The following CUBN variants were observed in gnomAD, a reference collection of about 807,000 sequenced individuals.
The protein encoded by CUBN is 460 kDa receptor.
A neutral mutation model predicts 405.3 loss-of-function variants in CUBN; 282 were observed. The ratio of observed to expected loss-of-function variants is 0.70; its 90% CI spans 0.63 to 0.77. The LOEUF is 0.77. Among genes scored for constraint, CUBN ranks in the 30% least tolerant of loss-of-function variants. The pLI is 0.00. For synonymous variants in CUBN, 1,684 were observed against 1,617.0 expected, an observed-to-expected ratio of 1.04 and a Z score of -0.99; for missense variants, 4,514 against 4,475.2, an observed-to-expected ratio of 1.01 and a Z score of -0.25.
At position 16,904,005 on chromosome 10, in the gene CUBN, C is replaced by T. The variant is rs1480395419; in HGVS notation, c.8023G>A (p.Val2675Ile). Reference protein sequence around the residue: ...VWIHFVTNERVEHIGFHAKYS... With the variant: ...VWIHFVTNERIEHIGFHAKYS... Reference sequence around the variant, plus strand: ...TTTGCATGGAATCCAATGTGTTCTACACGTTCGTTGGTGACAAAGTGAATC... The same window carrying T: ...TTTGCATGGAATCCAATGTGTTCTATACGTTCGTTGGTGACAAAGTGAATC... Residue 2675 changes from valine to isoleucine, a missense_variant, in exon 51 of 67, where the codon GTA becomes ATA. Physicochemically the swap from Val to Ile is conservative, Grantham distance 29. Coordinates refer to ENST00000377833, the MANE Select transcript of CUBN (RefSeq NM_001081.4). 1 of 1,613,182 alleles carries T rather than the reference C, an allele frequency of 6.2e-7. No homozygotes were observed. Among genetic ancestry groups the T allele is most frequent in the African/African-American group, 1.3e-5 (1 of 74,884 alleles).
chr10:16,931,841 A>G lies in CUBN; in HGVS notation c.6124+1246T>C, dbSNP rs1261434753. 1.1e-4 allele frequency among the ~76,000 whole-genome samples: 17 copies of G among 152,214 alleles called. 1 individual carries two copies. Among genetic ancestry groups the G allele is most frequent in the Non-Finnish European group, 1.5e-5 (1 of 68,038 alleles). On this transcript the variant is annotated intron_variant, in intron 40 of 66. Coordinates refer to ENST00000377833, the MANE Select transcript of CUBN (RefSeq NM_001081.4). ...AACAAAAACAACTCAATGGAATGTG[A>G]TTTTAAAAGAATAACCATAATTTAC...
intron 56 of CUBN, among the ~76,000 whole-genome samples, chr10:16,879,752 C>G (rs1356021946): frequency 6.6e-6 from 1 of 152,214 alleles, no homozygotes; most frequent in Non-Finnish European, 1.5e-5. Flanking sequence ...ACAACCAACT[C>G]TCCGAGAGAT....
chr10:16,986,469 C>T (rs1250339012), intron 29 of CUBN, among the ~76,000 whole-genome samples: 2 of 152,088 alleles, frequency 1.3e-5, no homozygotes, highest in African/African-American at 2.4e-5. Context: ...TGATTAATTC[C>T]CCCCAGCCAT....
At chr10:17,118,483 G>A (rs1836956777) in intron 6 of CUBN, among the ~76,000 whole-genome samples, 2 of 152,146 alleles carry the variant, frequency 1.3e-5, no homozygotes, top group Non-Finnish European at 2.9e-5. Context: ...TTGTGCCCAG[G>A]CGGAGTGCAG....
rs528889140 is a variant in CUBN at position 16,956,453 on chromosome 10, C to T, written c.4696-1905G>A. Among the ~76,000 whole-genome samples the T allele has an allele frequency of 2.0e-4, 30 of 151,622 alleles. No individual in the cohort carries two copies. The South Asian group carries it at 5.4e-3, about 27-fold the overall frequency. ...TATAATTTCCAATCTAGTATGAATC[C>T]TTCCTTTGAACACGTTGAACACTGT... is the stretch of plus-strand genomic sequence containing the variant. On this transcript the variant is annotated intron_variant, in intron 31 of 66. Coordinates refer to ENST00000377833, the MANE Select transcript of CUBN (RefSeq NM_001081.4).
chr10:17,103,914 C>T (rs949819538), intron 12 of CUBN, among the ~76,000 whole-genome samples: 1 of 152,098 alleles, frequency 6.6e-6, no homozygotes, highest in Non-Finnish European at 1.5e-5. Context: ...CGAAAGAAAA[C>T]TTGCTTGAGT....
chr10:16,949,872 T>G (rs1842882903), intron 34 of CUBN, 129 bp downstream of exon 34: 1 of 734,120 alleles, frequency 1.4e-6, no homozygotes, highest in Admixed American at 2.1e-5. Flanking sequence ...TAATCATCTT[T>G]ATTTGGCTTA....
At chr10:17,050,965 T>A (rs1270331512) in intron 22 of CUBN, among the ~76,000 whole-genome samples, 1 of 152,022 alleles carries the variant, frequency 6.6e-6, no homozygotes, top group Non-Finnish European at 1.5e-5. Flanking sequence ...ACAGAGTGTC[T>A]ACAACACATA....
intron 15 of CUBN, among the ~76,000 whole-genome samples, chr10:17,086,777 T>A (rs890121793): frequency 6.6e-6 from 1 of 152,326 alleles, no homozygotes; most frequent in Middle Eastern, 3.4e-3. Context: ...CAGCATAACT[T>A]TATTCTAATA....
chr10:16,925,823 G>C (rs1321114086), intron 41 of CUBN, 49 bp from the exon 42 acceptor site: 1 of 1,538,434 alleles, frequency 6.5e-7, no homozygotes, highest in Non-Finnish European at 9.0e-7. Flanking sequence ...ATTGGCAACT[G>C]GATTTTTATG....
chr10:16,863,700 T>A lies in CUBN; in HGVS notation c.9454+5936A>T, dbSNP rs532539116. Among the ~76,000 whole-genome samples the A allele has an allele frequency of 2.0e-5, 3 of 152,316 alleles. No homozygotes were observed. In the South Asian group the frequency reaches 6.2e-4, roughly 32 times the overall value. On this transcript the variant is annotated intron_variant, in intron 59 of 66. Transcript: ENST00000377833. ...TAGAAGCAGAAGTCTGAATTGGACA[T>A]GTTAGATTTTTTTTTCCATTTGTTG...
intron 56 of CUBN, 85 bp from the exon 57 acceptor site, chr10:16,877,182 A>G: frequency 8.9e-7 from 1 of 1,124,246 alleles, no homozygotes; most frequent in Non-Finnish European, 1.3e-6. Flanking sequence ...AAATGTGATG[A>G]TGACTCATGC....
At chr10:17,128,995 C>A in intron 2 of CUBN, 126 bp downstream of exon 2, 1 of 721,400 alleles carries the variant, frequency 1.4e-6, no homozygotes, top group South Asian at 2.0e-5. Context: ...AGGAATGTAT[C>A]AAATTATGTA....
chr10:16,929,871 C>A (rs1371106830), intron 40 of CUBN, among the ~76,000 whole-genome samples: 1 of 152,134 alleles, frequency 6.6e-6, no homozygotes, highest in East Asian at 1.9e-4. Flanking sequence ...TGAGTTGAGT[C>A]TATTGATTTT....
At chr10:17,065,469 G>A in intron 22 of CUBN, 39 bp downstream of exon 22, 1 of 1,610,532 alleles carries the variant, frequency 6.2e-7, no homozygotes, top group African/African-American at 1.3e-5. Flanking sequence ...GTTTTGCAAT[G>A]GAGTCAATAA....
intron 19 of CUBN, among the ~76,000 whole-genome samples, chr10:17,071,017 T>C (rs1189027171): frequency 6.6e-6 from 1 of 152,248 alleles, no homozygotes; most frequent in Non-Finnish European, 1.5e-5. Flanking sequence ...ATGTCCATTA[T>C]GAGATTAAGG....
chr10:17,033,480 T>C (rs1382389572), intron 27 of CUBN, among the ~76,000 whole-genome samples: 2 of 152,204 alleles, frequency 1.3e-5, no homozygotes, highest in East Asian at 1.9e-4. Context: ...GTGTCTAAAA[T>C]ATATCCTACT....
intron 59 of CUBN, among the ~76,000 whole-genome samples, chr10:16,866,209 T>C (rs182416461): frequency 6.6e-5 from 10 of 152,332 alleles, no homozygotes; most frequent in Non-Finnish European, 1.2e-4. Context: ...ATGATGCTAC[T>C]GCACAGTAAA....
chr10:16,888,343 A>AACATG (rs1840881147), intron 56 of CUBN, 74 bp downstream of exon 56: 1 of 1,215,300 alleles, frequency 8.2e-7, no homozygotes, highest in Admixed American at 1.9e-5. Flanking sequence ...CATATGTCAA[A>AACATG]ACATGTTGTA....
Sources: gnomAD v4.1 joint callset for allele counts (sites outside exome capture counted in the v4.1 genomes callset) on GRCh38, gnomAD v4.1.1 for gene constraint, MANE v1.5 for transcripts, NCBI Gene and HGNC (gene_info 2026-07-23, HGNC 2026-07-21) for gene names.